DMD: variants seen among roughly 807,000 people sequenced by gnomAD.
The protein encoded by DMD is dystrophin.
Under a neutral mutation model 330.1 loss-of-function variants are expected in DMD, and 63 were observed. The observed-to-expected ratio is 0.19, with a 90% CI of 0.16 to 0.24. The LOEUF is 0.24. DMD is among the 10% of genes least tolerant of loss of function. DMD has a pLI of 1.00. For synonymous variants in DMD, 1,223 were observed against 959.8 expected (o/e 1.27, Z -5.07); for missense variants, 3,344 against 2,684.1 (o/e 1.25, Z -5.43).
chrX:31,938,922 A>AGT (rs1258119923), intron 45 of DMD, among the ~76,000 whole-genome samples: 1 of 110,985 alleles, frequency 9.0e-6, no homozygotes, highest in Non-Finnish European at 1.9e-5. Flanking sequence ...ATTTTCTCCC[A>AGT]GTGTGTGTGT....
At chrX:32,992,321 GTAA>G (rs1482056389) in intron 2 of DMD, among the ~76,000 whole-genome samples, 1 of 111,872 alleles carries the variant, frequency 8.9e-6, no homozygotes, top group East Asian at 2.8e-4. Flanking sequence ...CAAAGCTATA[GTAA>G]TAAAAGAAGT....
chrX:32,097,050 G>A (rs978619932), intron 44 of DMD, among the ~76,000 whole-genome samples: 1 of 111,382 alleles, frequency 9.0e-6, no homozygotes, highest in Non-Finnish European at 1.9e-5. Flanking sequence ...CCCCATTAAT[G>A]AACATTTTTT....
At chrX:31,555,813 T>G (rs1239066062) in intron 55 of DMD, among the ~76,000 whole-genome samples, 1 of 112,181 alleles carries the variant, frequency 8.9e-6, no homozygotes, top group Non-Finnish European at 1.9e-5. Context: ...TACTCTAATC[T>G]TCACAGTCTG....
At chrX:32,578,677 G>T (rs552031431) in intron 13 of DMD, among the ~76,000 whole-genome samples, 1 of 111,812 alleles carries the variant, frequency 8.9e-6, no homozygotes, top group East Asian at 2.8e-4. Context: ...TCTTAAGTAT[G>T]GTGACCCTTG....
chrX:31,284,540 A>G (rs2147914528), intron 62 of DMD, among the ~76,000 whole-genome samples: 1 of 74,882 alleles, frequency 1.3e-5, no homozygotes, highest in East Asian at 4.6e-4. Context: ...TTCTTTAAGA[A>G]CTGCAATAAC....
At chrX:32,263,809 A>G (rs1426049026) in intron 43 of DMD, among the ~76,000 whole-genome samples, 1 of 111,746 alleles carries the variant, frequency 8.9e-6, no homozygotes, top group Non-Finnish European at 1.9e-5. Flanking sequence ...TCCGTTAACT[A>G]CAACCCTTAT....
At chrX:32,481,725 T>A (rs1202081171) in intron 21 of DMD, among the ~76,000 whole-genome samples, 1 of 111,921 alleles carries the variant, frequency 8.9e-6, no homozygotes, top group African/African-American at 3.2e-5. Flanking sequence ...CTCCCCAGAA[T>A]CACGGTTTCA....
At chrX:33,004,861 G>C (rs986353535) in intron 2 of DMD, among the ~76,000 whole-genome samples, 1 of 111,069 alleles carries the variant, frequency 9.0e-6, no homozygotes. Context: ...TGTTTTTGCT[G>C]TTGTTGCTAT....
At chrX:31,522,363 C>CTCTCTCTCTATATATA in intron 55 of DMD, among the ~76,000 whole-genome samples, 29 of 35,954 alleles carry the variant, frequency 8.1e-4, no homozygotes, top group Non-Finnish European at 9.2e-4. Context: ...CTCTCTCTCT[C>CTCTCTCTCTATATATA]TATATATATA....
At chrX:31,871,069 A>G (rs1026566230) in intron 48 of DMD, among the ~76,000 whole-genome samples, 2 of 111,761 alleles carry the variant, frequency 1.8e-5, no homozygotes, top group African/African-American at 6.5e-5. Flanking sequence ...GCATTCAATT[A>G]TCATTTCTGA....
intron 7 of DMD, among the ~76,000 whole-genome samples, chrX:32,742,199 G>T (rs1427933368): frequency 9.0e-6 from 1 of 111,468 alleles, no homozygotes; most frequent in East Asian, 2.8e-4. Flanking sequence ...TGCATCTTCT[G>T]GCTTGTATCA....
At chrX:31,445,541 G>C (rs2065211660) in intron 59 of DMD, among the ~76,000 whole-genome samples, 1 of 111,992 alleles carries the variant, frequency 8.9e-6, no homozygotes, top group Admixed American at 9.5e-5. Flanking sequence ...ACAATAGAAA[G>C]ATATATTCAG....
chrX:31,251,773 G>A (rs963103275), intron 63 of DMD, among the ~76,000 whole-genome samples: 2 of 112,379 alleles, frequency 1.8e-5, no homozygotes, highest in South Asian at 3.7e-4. Flanking sequence ...GAGCAGACAC[G>A]TTTTTAGATG....
At chrX:32,173,645 A>T (rs1257037391) in intron 44 of DMD, among the ~76,000 whole-genome samples, 1 of 111,661 alleles carries the variant, frequency 9.0e-6, no homozygotes, top group Non-Finnish European at 1.9e-5. Flanking sequence ...TGCTGGGATT[A>T]CAGGTGTGAG....
intron 4 of DMD, among the ~76,000 whole-genome samples, chrX:32,828,344 A>C (rs898578301): frequency 1.8e-5 from 2 of 110,957 alleles, no homozygotes; most frequent in Admixed American, 1.9e-4. Flanking sequence ...TCCCACCAGC[A>C]GTCACCACAC....
At chrX:32,558,951 T>TTTTTTTTCC in intron 16 of DMD, among the ~76,000 whole-genome samples, 1 of 79,469 alleles carries the variant, frequency 1.3e-5, no homozygotes, top group African/African-American at 5.7e-5. Flanking sequence ...TTTTTTTTTT[T>TTTTTTTTCC]TTTTTTTTTT....
At chrX:31,567,353 T>C (rs1487969211) in intron 55 of DMD, among the ~76,000 whole-genome samples, 1 of 111,234 alleles carries the variant, frequency 9.0e-6, no homozygotes, top group Non-Finnish European at 1.9e-5. Context: ...ACTGTAGTTT[T>C]CTGTAGATAC....
At chrX:32,503,637 C>A (rs746475489) in intron 18 of DMD, among the ~76,000 whole-genome samples, 1 of 111,114 alleles carries the variant, frequency 9.0e-6, no homozygotes, top group South Asian at 3.8e-4. Context: ...CTCACTGCAA[C>A]CTCTGCCTCC....
chrX:31,781,020 A>G (rs985280170), intron 50 of DMD, among the ~76,000 whole-genome samples: 11 of 112,254 alleles, frequency 9.8e-5, no homozygotes, highest in Non-Finnish European at 1.7e-4. Context: ...ACATTTTAAT[A>G]GATTCTTTCT....
Sources: gnomAD v4.1 joint callset for allele counts (sites outside exome capture counted in the v4.1 genomes callset) on GRCh38, gnomAD v4.1.1 for gene constraint, MANE v1.5 for transcripts, NCBI Gene and HGNC (gene_info 2026-07-23, HGNC 2026-07-21) for gene names.